The following AP1G1 variants were observed in gnomAD, a reference collection of about 807,000 sequenced individuals.
AP1G1 encodes the protein adaptor related protein complex 1 subunit gamma 1.
A neutral mutation model predicts 108.3 loss-of-function variants in AP1G1; 7 were observed. The ratio of observed to expected loss-of-function variants is 0.06; its 90% confidence interval spans 0.04 to 0.12. The LOEUF (loss-of-function observed/expected upper bound fraction) is 0.12, where lower values mean the gene tolerates loss of function less well. Ranked by LOEUF, AP1G1 falls within the 10% of genes least tolerant of loss-of-function variation. The pLI, the probability that AP1G1 is intolerant of heterozygous loss-of-function variation, is 1.00. For synonymous variants in AP1G1, 379 were observed against 353.5 expected (o/e 1.07, Z -0.81); for missense variants, 756 against 1,010.7 (o/e 0.75, Z 3.42).
chr16:71,783,904 G>A (rs184211076), intron 2 of AP1G1, among the ~76,000 whole-genome samples: 19 of 152,204 alleles, frequency 1.2e-4, no homozygotes, highest in Admixed American at 9.2e-4. Context: ...ATTTGGCCCC[G>A]AGCCACCAGT....
chr16:71,798,488 T>C (rs55864860), intron 1 of AP1G1, among the ~76,000 whole-genome samples: 1 of 151,646 alleles, frequency 6.6e-6, no homozygotes, highest in Non-Finnish European at 1.5e-5. Context: ...CATGAGCCAC[T>C]GCACCCAGCT....
chr16:71,785,050 T>C (rs2032150847), intron 2 of AP1G1, among the ~76,000 whole-genome samples: 1 of 151,436 alleles, frequency 6.6e-6, no homozygotes, highest in Non-Finnish European at 1.5e-5. Context: ...TTTCAACGTA[T>C]GATCAACACA....
chr16:71,750,122 G>C (rs866689872), intron 14 of AP1G1, 88 bp downstream of exon 14: 3 of 1,529,908 alleles, frequency 2.0e-6, no homozygotes, highest in Middle Eastern at 3.7e-4. Context: ...CCAAAGGGGA[G>C]AGAGGAGGGG....
chr16:71,745,635 TA>T, intron 17 of AP1G1, 21 bp from the exon 18 acceptor site: 1 of 1,605,406 alleles, frequency 6.2e-7, no homozygotes, highest in South Asian at 1.1e-5. Flanking sequence ...CTGAAGTGGT[TA>T]AATTCTAGGC....
chr16:71,782,198 C>A (rs1469851177), intron 2 of AP1G1, among the ~76,000 whole-genome samples: 1 of 152,184 alleles, frequency 6.6e-6, no homozygotes, highest in Non-Finnish European at 1.5e-5. Context: ...GAGTCTCACT[C>A]TGCCAACCAG....
rs200474766 is a variant in AP1G1 at position 71,748,426 on chromosome 16, T to C, written c.1498-48A>G. 16 of 1,589,964 alleles carry C rather than the reference T, an allele frequency of 1.0e-5. No individual in the cohort carries two copies. In the East Asian group the frequency reaches 3.4e-4, roughly 33 times the overall value. On this transcript the variant is annotated intron_variant, in intron 15 of 22. Transcript: ENST00000299980. ...AGACGATGAAGAATGAGTAGCATGA[T>C]TAAGCATCTAAATCTGATATCAAGT...
rs776799194 is a variant in AP1G1 at position 71,750,339 on chromosome 16, G to A, written c.1285-7C>T. 14 of 1,613,610 alleles carry A rather than the reference G, an allele frequency of 8.7e-6. 1 individual carries two copies. The South Asian group carries it at 1.3e-4, about 15-fold the overall frequency. The stretch of plus-strand genomic sequence containing the variant: ...CACGAACATAACTTCCTGCCTAAAA[G>A]GAAATGCAGACAATTACCCCTAGAA... On this transcript the variant is annotated splice_polypyrimidine_tract_variant and splice_region_variant and intron_variant, in intron 13 of 22. Coordinates refer to ENST00000299980, the MANE Select transcript of AP1G1 (RefSeq NM_001128.6).
At chr16:71,736,350 G>A (rs950045514) in intron 21 of AP1G1, among the ~76,000 whole-genome samples, 2 of 147,416 alleles carry the variant, frequency 1.4e-5, no homozygotes, top group East Asian at 2.0e-4. Flanking sequence ...ATTAAAACAC[G>A]AAATTAGTAC....
At chr16:71,745,398 C>G in intron 18 of AP1G1, 75 bp downstream of exon 18, 1 of 1,608,682 alleles carries the variant, frequency 6.2e-7, no homozygotes, top group Non-Finnish European at 8.5e-7. Flanking sequence ...ATTAAAGGGA[C>G]TCAGCTAAGA....
At chr16:71,769,868 G>C (rs920037698) in intron 5 of AP1G1, among the ~76,000 whole-genome samples, 169 bp from the exon 6 acceptor site, 5 of 152,208 alleles carry the variant, frequency 3.3e-5, no homozygotes, top group African/African-American at 1.2e-4. Flanking sequence ...GAACTTAATA[G>C]ATGCCTGATT....
intron 2 of AP1G1, among the ~76,000 whole-genome samples, chr16:71,788,394 A>G (rs1008782807): frequency 1.1e-4 from 16 of 152,180 alleles, no homozygotes; most frequent in Admixed American, 9.8e-4. Flanking sequence ...TGACAATATA[A>G]ACATGCAAAG....
At chr16:71,762,158 G>A (rs1426592707) in intron 9 of AP1G1, among the ~76,000 whole-genome samples, 2 of 152,014 alleles carry the variant, frequency 1.3e-5, no homozygotes, top group Non-Finnish European at 2.9e-5. Context: ...GCACACCCAT[G>A]CAATATGGAA....
intron 2 of AP1G1, among the ~76,000 whole-genome samples, chr16:71,785,003 TTAA>T (rs781134887): frequency 2.0e-5 from 3 of 150,706 alleles, no homozygotes; most frequent in South Asian, 4.2e-4. Context: ...GAAATTAGTT[TTAA>T]TAATATTCTT....
At chr16:71,759,335 C>A (rs1342942480) in intron 10 of AP1G1, among the ~76,000 whole-genome samples, 1 of 152,056 alleles carries the variant, frequency 6.6e-6, no homozygotes, top group Non-Finnish European at 1.5e-5. Flanking sequence ...GTGTTAGGTG[C>A]CTGTAGTCCC....
chr16:71,784,598 G>A (rs1404754511), intron 2 of AP1G1, among the ~76,000 whole-genome samples: 1 of 151,976 alleles, frequency 6.6e-6, no homozygotes, highest in South Asian at 2.1e-4. Flanking sequence ...TCGCTTTGTC[G>A]CCCAGGCTGG....
At position 71,788,133 on chromosome 16, in the gene AP1G1, A is replaced by G. The variant is rs1250491927; in HGVS notation, c.201+1146T>C. Among the ~76,000 whole-genome samples the G allele has an allele frequency of 2.6e-5, 4 of 152,142 alleles. 1 individual carries two copies. The highest frequency in any genetic ancestry group is 4.4e-5 in the Non-Finnish European group (3 of 68,032). ...AGTCAGTCTGATAAGATTAAATCCC[A>G]GTACTTTTTTGTTTTAACTTGGGGG... On this transcript the variant is annotated intron_variant, in intron 2 of 22. Transcript: ENST00000299980.
chr16:71,750,708 G>A (rs1025416704), intron 13 of AP1G1, among the ~76,000 whole-genome samples: 13 of 151,636 alleles, frequency 8.6e-5, no homozygotes, highest in Admixed American at 3.9e-4. Context: ...GTGCCACTGC[G>A]CCCAGCCATT....
Position 71,745,435 on chromosome 16 carries a change from G to GT in AP1G1, c.1872+37dup, listed in dbSNP as rs764331588. 3.1e-6 allele frequency: 5 copies of GT among 1,613,696 alleles called. No homozygotes were observed. The East Asian group carries it at 1.1e-4, about 36-fold the overall frequency. The stretch of plus-strand genomic sequence containing the variant: ...ACAAGCTGTAAGGGACTATAAAATC[G>GT]TAAGAAGCCCCAGATGAGCAAGTGA... On this transcript the variant is annotated intron_variant, in intron 18 of 22. Transcript: ENST00000299980.
At chr16:71,787,408 T>G (rs999793229) in intron 2 of AP1G1, among the ~76,000 whole-genome samples, 1 of 151,444 alleles carries the variant, frequency 6.6e-6, no homozygotes, top group Non-Finnish European at 1.5e-5. Context: ...GTAGGAGAAC[T>G]TGAGCCCAGT....
Sources: gnomAD v4.1 joint callset for allele counts (sites outside exome capture counted in the v4.1 genomes callset) on GRCh38, gnomAD v4.1.1 for gene constraint, MANE v1.5 for transcripts, NCBI Gene and HGNC (gene_info 2026-07-23, HGNC 2026-07-21) for gene names.